The following ADCY1 variants were observed in gnomAD, a reference collection of about 807,000 sequenced individuals.
The protein encoded by ADCY1 is adenylate cyclase 1.
In ADCY1, 28 loss-of-function variants were observed where a neutral mutation model predicts 105.4. That is an observed-to-expected ratio of 0.27 (90% CI 0.20 to 0.36). ADCY1 has a LOEUF of 0.36. Among genes scored for constraint, ADCY1 ranks in the 10% least tolerant of loss-of-function variants. The pLI, the probability that ADCY1 is intolerant of heterozygous loss-of-function variation, is 1.00. For missense variants in ADCY1, 977 were observed against 1,434.2 expected, an observed-to-expected ratio of 0.68 and a Z score of 5.15; for synonymous variants, 655 against 623.8, an observed-to-expected ratio of 1.05 and a Z score of -0.75.
rs1437097281 is a variant in ADCY1 at position 45,575,761 on chromosome 7, C to A, written c.639+579C>A. On this transcript the variant is annotated intron_variant, in intron 1 of 19. Transcript: ENST00000297323. The surrounding 1 kb of genome is among the most constrained non-coding windows in gnomAD (Gnocchi z 4.7). Reference sequence around the variant, plus strand: ...TCCGGCCCAGAAAGAGTGGGGTTTGCCAAGGTCAAACACAGTCTAGTCCCT... The same window carrying A: ...TCCGGCCCAGAAAGAGTGGGGTTTGACAAGGTCAAACACAGTCTAGTCCCT... 6.6e-6 allele frequency among the ~76,000 whole-genome samples: 1 copy of A among 152,266 alleles called. No individual in the cohort carries two copies. The highest frequency in any genetic ancestry group is 1.5e-5 in the Non-Finnish European group (1 of 68,052).
intron 17 of ADCY1, among the ~76,000 whole-genome samples, chr7:45,706,512 A>AAAAAAAAG (rs1554332713): frequency 3.0e-5 from 4 of 135,446 alleles, no homozygotes; most frequent in Non-Finnish European, 4.7e-5. Flanking sequence ...AAAAAAAAAA[A>AAAAAAAAG]AGAATATAGA....
At chr7:45,637,652 G>A (rs1562700541) in intron 4 of ADCY1, among the ~76,000 whole-genome samples, 1 of 152,220 alleles carries the variant, frequency 6.6e-6, no homozygotes, top group Non-Finnish European at 1.5e-5. Flanking sequence ...TTGAGCCCAG[G>A]AGTTTGAGAC....
chr7:45,713,321 A>G (rs2250129), intron 19 of ADCY1, among the ~76,000 whole-genome samples: 53,084 of 152,024 alleles, frequency 0.35, 10,773 homozygotes, highest in South Asian at 0.63. Flanking sequence ...CTAGGTCCCT[A>G]CAAGCAAGCC....
intron 1 of ADCY1, among the ~76,000 whole-genome samples, chr7:45,578,152 C>T (rs1005203105): frequency 7.2e-5 from 11 of 152,120 alleles, no homozygotes; most frequent in Admixed American, 3.3e-4. Context: ...GAGGAGAGAA[C>T]GCTGAAAGCT....
At chr7:45,676,598 C>G (rs1187713376) in intron 8 of ADCY1, among the ~76,000 whole-genome samples, 1 of 152,156 alleles carries the variant, frequency 6.6e-6, no homozygotes, top group African/African-American at 2.4e-5. Context: ...AAGGTGATGC[C>G]TGGCACCTTG....
chr7:45,704,191 C>T (rs562908240), intron 16 of ADCY1, among the ~76,000 whole-genome samples: 1 of 152,314 alleles, frequency 6.6e-6, no homozygotes, highest in Admixed American at 6.5e-5. Flanking sequence ...CCCTTGTCTA[C>T]AGATGGGCAG....
Position 45,688,245 on chromosome 7 carries a change from A to G in ADCY1, c.2454+1572A>G, listed in dbSNP as rs371706883. Among the ~76,000 whole-genome samples, 139 of 152,348 alleles carry G rather than the reference A, an allele frequency of 9.1e-4. 2 individuals are homozygous for G. Among genetic ancestry groups the G allele is most frequent in the African/African-American group, 3.2e-3 (134 of 41,586 alleles). On this transcript the variant is annotated intron_variant, in intron 14 of 19. Transcript: ENST00000297323. ...GGTCAATCTGTCTTTCTGCTTCAGC[A>G]GTAAAATGGGGTGAGAACCCTAATC...
chr7:45,581,113 T>G (rs1410578273), intron 1 of ADCY1, among the ~76,000 whole-genome samples: 1 of 152,166 alleles, frequency 6.6e-6, no homozygotes, highest in Non-Finnish European at 1.5e-5. Flanking sequence ...TGTGTGACTT[T>G]AGGCTTGGGA....
chr7:45,642,988 G>A lies in ADCY1; in HGVS notation c.1021-5682G>A, dbSNP rs113090519. 4.0e-3 allele frequency among the ~76,000 whole-genome samples: 601 copies of A among 152,082 alleles called. 3 individuals carry two copies. The highest frequency in any genetic ancestry group is 0.013 in the African/African-American group (531 of 41,476). On this transcript the variant is annotated intron_variant, in intron 4 of 19. Transcript: ENST00000297323. ...TTTTCAAAATAATAATCAGCACCCC[G>A]TTATGAAGTCATGGATTTTTAAAAA... is the stretch of plus-strand genomic sequence containing the variant.
At chr7:45,683,624 G>A (rs1784606864) in intron 11 of ADCY1, among the ~76,000 whole-genome samples, 1 of 152,156 alleles carries the variant, frequency 6.6e-6, no homozygotes, top group African/African-American at 2.4e-5. Flanking sequence ...TGTGCCTTAA[G>A]GGTCTGCTCG....
At chr7:45,579,394 G>T (rs1210484300) in intron 1 of ADCY1, among the ~76,000 whole-genome samples, 1 of 151,886 alleles carries the variant, frequency 6.6e-6, no homozygotes, top group Non-Finnish European at 1.5e-5. Flanking sequence ...CCCCGGCTGG[G>T]ATCCTCCTCC....
upstream of ADCY1, chr7:45,574,237 G>A (rs1366111948): frequency 1.3e-6 from 1 of 763,842 alleles, no homozygotes; most frequent in Non-Finnish European, 1.6e-6. The surrounding 1 kb of genome is among the most constrained non-coding windows in gnomAD (Gnocchi z 7.0). Flanking sequence ...GCAGGACGCG[G>A]AGTTGGGGCG....
chr7:45,684,864 G>A (rs1562722802), intron 11 of ADCY1, 115 bp from the exon 12 acceptor site: 1 of 858,878 alleles, frequency 1.2e-6, no homozygotes, highest in Admixed American at 1.8e-5. Flanking sequence ...AAAAACGGAT[G>A]TGGACCTAGC....
intron 2 of ADCY1, among the ~76,000 whole-genome samples, chr7:45,596,464 T>C (rs930950422): frequency 2.0e-5 from 3 of 151,974 alleles, no homozygotes; most frequent in African/African-American, 7.3e-5. Flanking sequence ...TCTGGGTGGA[T>C]GGATGTACCC....
intron 2 of ADCY1, among the ~76,000 whole-genome samples, chr7:45,598,289 G>T (rs184389450): frequency 1.3e-5 from 2 of 152,262 alleles, no homozygotes; most frequent in African/African-American, 4.8e-5. Context: ...TCCTCCTTTC[G>T]TGGCCACAGA....
chr7:45,686,610 G>T lies in ADCY1; in HGVS notation c.2391G>T (p.Ala797=). 6.2e-7 allele frequency: 1 copy of T among 1,613,570 alleles called. No individual in the cohort carries two copies. Among genetic ancestry groups the T allele is most frequent in the Non-Finnish European group, 8.5e-7 (1 of 1,179,608 alleles). ...PIVAILLFSC[A]LALHARQVDI... ...TGGCCATCCTGCTCTTCTCCTGTGC[G>T]CTGGCCCTGCATGCCAGGCAGGTGG... Residue 797 remains alanine (A), a synonymous_variant, in exon 14 of 20, where the codon GCG becomes GCT. Transcript: ENST00000297323. The surrounding 1 kb of genome is among the most constrained non-coding windows in gnomAD (Gnocchi z 4.3).
chr7:45,686,506 G>A lies in ADCY1; in HGVS notation c.2328-41G>A. On this transcript the variant is annotated intron_variant, in intron 13 of 19. Coordinates refer to ENST00000297323, the MANE Select transcript of ADCY1 (RefSeq NM_021116.4). The surrounding 1 kb of genome is among the most constrained non-coding windows in gnomAD (Gnocchi z 4.3). ...TTGGTGGCAGAGTCTTGCCCTGGAA[G>A]CTCGGCACTGACTTGGCTTTTCTTC... is the stretch of plus-strand genomic sequence containing the variant. 1 of 1,581,964 alleles carries A rather than the reference G, an allele frequency of 6.3e-7. No individual in the cohort carries two copies. Among genetic ancestry groups the A allele is most frequent in the Non-Finnish European group, 8.6e-7 (1 of 1,161,548 alleles).
At chr7:45,576,134 A>C (rs952652738) in intron 1 of ADCY1, among the ~76,000 whole-genome samples, 8 of 152,338 alleles carry the variant, frequency 5.3e-5, no homozygotes, top group African/African-American at 1.9e-4. Context: ...GTATGACTCA[A>C]ATGGAGTGGG....
intron 14 of ADCY1, among the ~76,000 whole-genome samples, chr7:45,692,816 G>T (rs1265394546): frequency 6.6e-6 from 1 of 151,942 alleles, no homozygotes; most frequent in Non-Finnish European, 1.5e-5. Flanking sequence ...GATATATACA[G>T]TTTTTGTTTG....
Sources: gnomAD v4.1 joint callset for allele counts (sites outside exome capture counted in the v4.1 genomes callset) on GRCh38, gnomAD v4.1.1 for gene constraint, Gnocchi (gnomAD v3.1) non-coding constraint, MANE v1.5 for transcripts, NCBI Gene and HGNC (gene_info 2026-07-23, HGNC 2026-07-21) for gene names.